Variants in ABI3BP observed in about 807,000 individuals in gnomAD.
ABI3BP encodes target of Nesh-SH3.
A neutral mutation model predicts 268.6 loss-of-function variants in ABI3BP; 216 were observed. The ratio of observed to expected loss-of-function variants is 0.80; its 90% CI spans 0.72 to 0.90. ABI3BP has a LOEUF of 0.90. ABI3BP is among the 40% of genes least tolerant of loss of function. The pLI is 0.00. For missense variants in ABI3BP, 2,090 were observed against 2,182.4 expected, an observed-to-expected ratio of 0.96 and a Z score of 0.84; for synonymous variants, 730 against 730.0, an observed-to-expected ratio of 1.00 and a Z score of 0.00.
chr3:100,843,761 A>G, intron 20 of ABI3BP: 4 of 981,562 alleles, frequency 4.1e-6, no homozygotes, highest in Non-Finnish European at 4.8e-6. Flanking sequence ...TCAAATAAGC[A>G]TTCATACCTG....
rs1247744419 is a variant in ABI3BP at position 100,926,434 on chromosome 3, T to C, written c.127A>G (p.Ile43Val). ...CTTGGACGCAAGAACTTCAAGAGGATGGAGTCACTTGTGGTATTGATGTGG... is the reference window on the plus strand; with the variant it reads ...CTTGGACGCAAGAACTTCAAGAGGACGGAGTCACTTGTGGTATTGATGTGG... ...KVHINTTSDS[I>V]LLKFLRPSPN... The change falls in exon 2 of 68, where the codon ATC (isoleucine) becomes GTC (valine). Residue 43 changes from isoleucine to valine, a missense_variant. Ile to Val is a conservative substitution (Grantham distance 29). Transcript: ENST00000471714. 6.2e-7 allele frequency: 1 copy of C among 1,613,424 alleles called. No individual in the cohort carries two copies. Among genetic ancestry groups the C allele is most frequent in the South Asian group, 1.1e-5 (1 of 91,060 alleles).
chr3:100,878,946 C>G (rs2099195542), intron 6 of ABI3BP, among the ~76,000 whole-genome samples: 1 of 152,186 alleles, frequency 6.6e-6, no homozygotes, highest in African/African-American at 2.4e-5. Context: ...ATGTTTTCAT[C>G]TAAGTGCACA....
At chr3:100,859,598 C>T (rs1290125125) in intron 14 of ABI3BP, among the ~76,000 whole-genome samples, 1 of 126,350 alleles carries the variant, frequency 7.9e-6, no homozygotes, top group Non-Finnish European at 1.7e-5. Context: ...TGCACAAAAT[C>T]AAAACAAAGG....
At chr3:100,945,116 C>T (rs1395071967) in intron 1 of ABI3BP, among the ~76,000 whole-genome samples, 1 of 151,978 alleles carries the variant, frequency 6.6e-6, no homozygotes, top group Non-Finnish European at 1.5e-5. Flanking sequence ...ACATCTCATC[C>T]AGAAAAAATA....
At chr3:100,835,495 G>A in intron 28 of ABI3BP, 106 bp downstream of exon 28, 1 of 806,696 alleles carries the variant, frequency 1.2e-6, no homozygotes, top group Non-Finnish European at 1.9e-6. Flanking sequence ...ACAAGAGGAT[G>A]ATGAGAAAAT....
chr3:100,804,805 T>C lies in ABI3BP; in HGVS notation c.3744A>G (p.Ser1248=). Residue 1248 remains serine (S), a synonymous_variant, in exon 51 of 68, where the codon TCA becomes TCG. Transcript: ENST00000471714. The part of the protein sequence containing the change: ...KPKTSPSPEV[S]YTTPAPKDVL... ...TAAAGCATTTACCAGGTGTGGTGTATGACACTTCTGGACTTGGTGACGTTT... is the reference window on the plus strand; with the variant it reads ...TAAAGCATTTACCAGGTGTGGTGTACGACACTTCTGGACTTGGTGACGTTT... 6.2e-7 allele frequency: 1 copy of C among 1,613,076 alleles called. No homozygotes were observed. The highest frequency in any genetic ancestry group is 8.5e-7 in the Non-Finnish European group (1 of 1,179,172).
chr3:100,768,299 A>G (rs756008928), intron 62 of ABI3BP, among the ~76,000 whole-genome samples: 1 of 152,126 alleles, frequency 6.6e-6, no homozygotes, highest in Admixed American at 6.5e-5. Flanking sequence ...CGTGTTAGCC[A>G]GGATGATCTT....
At chr3:100,988,672 T>C (rs1194403716) in intron 1 of ABI3BP, among the ~76,000 whole-genome samples, 3 of 152,178 alleles carry the variant, frequency 2.0e-5, no homozygotes, top group Admixed American at 2.0e-4. Flanking sequence ...CCCCTCTCTA[T>C]TGTAATTATC....
chr3:100,815,823 A>G (rs1181934450), intron 44 of ABI3BP, 89 bp downstream of exon 44: 2 of 851,430 alleles, frequency 2.3e-6, no homozygotes, highest in Non-Finnish European at 3.5e-6. Flanking sequence ...GCGTCTTAGG[A>G]AGCAGAAGCA....
At chr3:100,804,702 T>C (rs1175107332) in intron 51 of ABI3BP, 90 bp downstream of exon 51, 1 of 1,138,680 alleles carries the variant, frequency 8.8e-7, no homozygotes, top group East Asian at 2.4e-5. Flanking sequence ...AAGTGAAATA[T>C]TGACCTCACT....
intron 52 of ABI3BP, among the ~76,000 whole-genome samples, chr3:100,796,106 A>G (rs2097338080): frequency 6.6e-6 from 1 of 152,094 alleles, no homozygotes; most frequent in African/African-American, 2.4e-5. Context: ...TTAAAAGTAC[A>G]TCCATAGTTG....
At chr3:100,770,720 C>T (rs372838301) in intron 62 of ABI3BP, 23 bp downstream of exon 62, 2 of 1,440,404 alleles carry the variant, frequency 1.4e-6, no homozygotes, top group East Asian at 5.2e-5. Flanking sequence ...CCCACCATAA[C>T]AGTCCTCATG....
intron 57 of ABI3BP, among the ~76,000 whole-genome samples, chr3:100,786,273 A>G (rs934153108): frequency 6.6e-6 from 1 of 152,156 alleles, no homozygotes; most frequent in African/African-American, 2.4e-5. Context: ...CACCAGCCCA[A>G]TTTCTCCCAA....
chr3:100,965,702 TGTGTGTTA>T (rs1441694195), intron 1 of ABI3BP, among the ~76,000 whole-genome samples: 1 of 151,614 alleles, frequency 6.6e-6, no homozygotes, highest in Non-Finnish European at 1.5e-5. Context: ...CAGATGTGTG[TGTGTGTTA>T]GTGTGTTAGT....
At chr3:100,967,768 C>T (rs2081938840) in intron 1 of ABI3BP, among the ~76,000 whole-genome samples, 1 of 152,058 alleles carries the variant, frequency 6.6e-6, no homozygotes, top group South Asian at 2.1e-4. Flanking sequence ...AATAGAAATG[C>T]CCCAATGAAC....
intron 1 of ABI3BP, among the ~76,000 whole-genome samples, chr3:100,964,175 C>G (rs930392478): frequency 2.6e-5 from 4 of 152,018 alleles, no homozygotes; most frequent in African/African-American, 9.7e-5. Flanking sequence ...GAACTAGGGT[C>G]TAGACATGTT....
intron 1 of ABI3BP, among the ~76,000 whole-genome samples, chr3:100,940,630 T>C (rs1205701334): frequency 1.3e-5 from 2 of 150,594 alleles, no homozygotes; most frequent in Non-Finnish European, 3.0e-5. Flanking sequence ...CCCTTTTCAC[T>C]GCATGCCTTT....
intron 2 of ABI3BP, among the ~76,000 whole-genome samples, chr3:100,924,059 T>G (rs937598607): frequency 6.6e-6 from 1 of 152,130 alleles, no homozygotes; most frequent in African/African-American, 2.4e-5. Context: ...TAGATCTAAT[T>G]ACATCTTCGT....
intron 2 of ABI3BP, among the ~76,000 whole-genome samples, chr3:100,903,887 A>G (rs1395838710): frequency 6.6e-6 from 1 of 152,164 alleles, no homozygotes; most frequent in Non-Finnish European, 1.5e-5. Context: ...TTGCCTCATC[A>G]TTGTACAGTT....
Sources: gnomAD v4.1 joint callset for allele counts (sites outside exome capture counted in the v4.1 genomes callset) on GRCh38, gnomAD v4.1.1 for gene constraint, MANE v1.5 for transcripts, NCBI Gene and HGNC (gene_info 2026-07-23, HGNC 2026-07-21) for gene names.